EPB41L4A: variants seen among roughly 807,000 people sequenced by gnomAD.
EPB41L4A encodes the protein erythrocyte membrane protein band 4.1 like 4A, also known as band 4.1-like protein 4A.
In EPB41L4A, 100 loss-of-function variants were observed where a neutral mutation model predicts 108.6. The observed-to-expected ratio is 0.92, with a 90% CI of 0.78 to 1.09. The LOEUF (loss-of-function observed/expected upper bound fraction) is 1.09. EPB41L4A is among the 50% of genes least tolerant of loss of function. The probability of loss-of-function intolerance (pLI) is 0.00; values close to 1 mark genes in which losing one functional copy is unlikely to be tolerated. For missense variants in EPB41L4A, 1,030 were observed against 842.7 expected (o/e 1.22, Z -2.75); for synonymous variants, 319 against 289.0 (o/e 1.10, Z -1.05).
At chr5:112,267,297 GA>G (rs140242283) in intron 4 of EPB41L4A, among the ~76,000 whole-genome samples, 2,472 of 151,168 alleles carry the variant, frequency 0.016, 65 homozygotes, top group African/African-American at 0.057. Flanking sequence ...GGGAAGGGAA[GA>G]AAAAAAACAA....
chr5:112,262,631 C>T, intron 6 of EPB41L4A, 50 bp from the exon 7 acceptor site: 1 of 1,430,564 alleles, frequency 7.0e-7, no homozygotes, highest in Non-Finnish European at 9.8e-7. Flanking sequence ...AGCTACTGCA[C>T]TTACAGGGAT....
intron 15 of EPB41L4A, among the ~76,000 whole-genome samples, chr5:112,202,384 G>A (rs1436866054): frequency 6.6e-6 from 1 of 152,136 alleles, no homozygotes; most frequent in African/African-American, 2.4e-5. Flanking sequence ...TAGATCTCTT[G>A]AGTTACACCA....
chr5:112,272,752 G>C (rs1022401618), intron 4 of EPB41L4A, among the ~76,000 whole-genome samples: 3 of 124,898 alleles, frequency 2.4e-5, no homozygotes, highest in Admixed American at 1.0e-4. Flanking sequence ...CTGCCCTCCA[G>C]TCTGGGTGAC....
intron 9 of EPB41L4A, among the ~76,000 whole-genome samples, chr5:112,242,782 G>T (rs1749892425): frequency 6.6e-6 from 1 of 152,200 alleles, no homozygotes; most frequent in East Asian, 1.9e-4. Context: ...GTGATAGCAG[G>T]CTTGAAAGCA....
chr5:112,226,153 G>A (rs1452696693), intron 12 of EPB41L4A, among the ~76,000 whole-genome samples: 1 of 152,180 alleles, frequency 6.6e-6, no homozygotes, highest in Non-Finnish European at 1.5e-5. Context: ...TTTCATGTGG[G>A]GCAGAGGCTG....
chr5:112,348,583 G>A (rs931340035), intron 1 of EPB41L4A, among the ~76,000 whole-genome samples: 1 of 152,134 alleles, frequency 6.6e-6, no homozygotes, highest in Non-Finnish European at 1.5e-5. Flanking sequence ...GGAAGCAGGT[G>A]GGGGAGGGGT....
At chr5:112,217,769 T>C (rs923001467) in intron 12 of EPB41L4A, among the ~76,000 whole-genome samples, 1 of 152,198 alleles carries the variant, frequency 6.6e-6, no homozygotes, top group African/African-American at 2.4e-5. Flanking sequence ...TTTTACTAGA[T>C]ATACATAGAC....
At chr5:112,253,511 G>A (rs1219981560) in intron 9 of EPB41L4A, among the ~76,000 whole-genome samples, 1 of 152,108 alleles carries the variant, frequency 6.6e-6, no homozygotes, top group African/African-American at 2.4e-5. Context: ...GACATTATTG[G>A]GTTAACCAAC....
exon 14 of EPB41L4A, chr5:112,142,948 T>A (rs972144462): frequency 6.6e-6 from 1 of 152,108 alleles, no homozygotes; most frequent in African/African-American, 2.4e-5. Flanking sequence ...GTGCCAAGAG[T>A]GAGCCATGAG....
chr5:112,219,229 G>C (rs1019895599), intron 12 of EPB41L4A, among the ~76,000 whole-genome samples: 1 of 152,184 alleles, frequency 6.6e-6, no homozygotes, highest in East Asian at 1.9e-4. Flanking sequence ...GGAGCCAGTG[G>C]GAGGTAACTT....
At position 112,234,727 on chromosome 5, in the gene EPB41L4A, C is replaced by T. The variant is rs773785227; in HGVS notation, c.994G>A (p.Asp332Asn). 6 of 1,612,072 alleles carry T rather than the reference C, an allele frequency of 3.7e-6. No individual in the cohort carries two copies. Among genetic ancestry groups the T allele is most frequent in the African/African-American group, 1.3e-5 (1 of 74,902 alleles). Residue 332 changes from aspartate to asparagine, a missense_variant, in exon 12 of 23, where the codon GAT becomes AAT. Asp to Asn is a conservative substitution (Grantham distance 23). Coordinates refer to ENST00000261486, the MANE Select transcript of EPB41L4A (RefSeq NM_022140.5). ...GGCCGGGGAAGCTGAATAGAAAGAT[C>T]TCGGCTCATTTGCAAAGCTGTCCTG... ...SGRTALQMSR[D>N]LSIQLPRPDQ...
At chr5:112,205,635 T>C in intron 13 of EPB41L4A, 131 bp from the exon 14 acceptor site, 1 of 703,750 alleles carries the variant, frequency 1.4e-6, no homozygotes, top group Non-Finnish European at 2.3e-6. Flanking sequence ...TTTATACCTG[T>C]GACTCTAAAA....
intron 4 of EPB41L4A, 113 bp from the exon 5 acceptor site, chr5:112,266,443 A>AC (rs200958032): frequency 7.4e-6 from 5 of 673,796 alleles, no homozygotes; most frequent in Non-Finnish European, 9.9e-6. Flanking sequence ...AAATAAAGTC[A>AC]CCCCCCATTC....
rs1322777486 is a variant in EPB41L4A at position 112,243,293 on chromosome 5, TTTG to T, written c.796-2486_796-2484del. 6.3e-3 allele frequency among the ~76,000 whole-genome samples: 867 copies of T among 137,214 alleles called. 3 individuals carry two copies. The highest frequency in any genetic ancestry group is 0.011 in the Middle Eastern group (3 of 264). The allele number at this position is 137,214 out of a possible 152,430, so 90.0% of individuals were successfully genotyped here. On this transcript the variant is annotated intron_variant, in intron 9 of 22. Transcript: ENST00000261486. ...TGTGTGTGTATATATATATATATAT[TTTG>T]TTTGTTTGTTTGTTTCCTAAGCCAT...
At chr5:112,237,750 C>A (rs918912731) in intron 11 of EPB41L4A, among the ~76,000 whole-genome samples, 5 of 152,158 alleles carry the variant, frequency 3.3e-5, no homozygotes, top group African/African-American at 9.7e-5. Flanking sequence ...TGCTAATGAA[C>A]CCCCAGCAAT....
chr5:112,191,633 T>G (rs1580400217), intron 17 of EPB41L4A, among the ~76,000 whole-genome samples: 2 of 151,016 alleles, frequency 1.3e-5, no homozygotes, highest in African/African-American at 4.9e-5. Flanking sequence ...AATATTTCCA[T>G]GGAGTGGCCT....
At chr5:112,173,954 T>C (rs970395360) in intron 18 of EPB41L4A, among the ~76,000 whole-genome samples, 3 of 152,234 alleles carry the variant, frequency 2.0e-5, no homozygotes, top group African/African-American at 7.2e-5. Context: ...AGAAATGTTA[T>C]CTTAATCTGA....
At chr5:112,323,683 C>A (rs1392216043) in intron 1 of EPB41L4A, among the ~76,000 whole-genome samples, 1 of 152,184 alleles carries the variant, frequency 6.6e-6, no homozygotes, top group Non-Finnish European at 1.5e-5. Flanking sequence ...CCCATCTTTG[C>A]CCTCCTTCCT....
chr5:112,286,979 A>G (rs772687987), intron 2 of EPB41L4A, among the ~76,000 whole-genome samples: 8 of 151,952 alleles, frequency 5.3e-5, no homozygotes, highest in Non-Finnish European at 7.4e-5. Context: ...AATACGTCAC[A>G]CGCTTCTAGG....
Sources: allele counts gnomAD v4.1 joint callset (sites outside exome capture counted in the v4.1 genomes callset), GRCh38; gene constraint gnomAD v4.1.1; transcripts MANE v1.5; gene names NCBI Gene and HGNC (gene_info 2026-07-23, HGNC 2026-07-21).